Variants in ELOVL6 observed in about 807,000 individuals in gnomAD.
ELOVL6 encodes ELOVL fatty acid elongase 6.
ELOVL6 carries 8 observed loss-of-function variants against 31.7 expected under a neutral mutation model. That is an observed-to-expected ratio of 0.25 (90% CI 0.15 to 0.45). The LOEUF is 0.45. ELOVL6 is among the 20% of genes least tolerant of loss of function. ELOVL6 has a pLI of 1.00. For missense variants in ELOVL6, 126 were observed against 326.4 expected, an observed-to-expected ratio of 0.39 and a Z score of 4.73; for synonymous variants, 101 against 117.7, an observed-to-expected ratio of 0.86 and a Z score of 0.92.
intron 3 of ELOVL6, among the ~76,000 whole-genome samples, chr4:110,053,784 A>T (rs1754899019): frequency 6.6e-6 from 1 of 152,150 alleles, no homozygotes; most frequent in Non-Finnish European, 1.5e-5. Flanking sequence ...CTATAAAATT[A>T]AAAAAATATC....
chr4:110,114,207 C>G (rs888787328), intron 1 of ELOVL6, among the ~76,000 whole-genome samples: 1 of 152,182 alleles, frequency 6.6e-6, no homozygotes, highest in African/African-American at 2.4e-5. Flanking sequence ...ACTTTATCTC[C>G]TATAGCCTTA....
intron 1 of ELOVL6, among the ~76,000 whole-genome samples, chr4:110,120,353 T>TG (rs1553959003): frequency 2.8e-5 from 4 of 144,648 alleles, no homozygotes; most frequent in African/African-American, 5.3e-5. Context: ...AATAAAAAAG[T>TG]AAAAAAAAAA....
At chr4:110,131,763 A>G (rs2126257681) in intron 1 of ELOVL6, among the ~76,000 whole-genome samples, 1 of 152,328 alleles carries the variant, frequency 6.6e-6, no homozygotes, top group East Asian at 1.9e-4. Flanking sequence ...TTTAAGAAAC[A>G]CTGGTCTAGA....
intron 2 of ELOVL6, among the ~76,000 whole-genome samples, chr4:110,073,392 G>A (rs1241668082): frequency 6.6e-6 from 1 of 152,100 alleles, no homozygotes; most frequent in Non-Finnish European, 1.5e-5. Context: ...GTGTCTTTGG[G>A]GAAAAAGTCT....
chr4:110,194,530 A>G (rs1461105760), intron 1 of ELOVL6, among the ~76,000 whole-genome samples: 1 of 152,208 alleles, frequency 6.6e-6, no homozygotes, highest in Non-Finnish European at 1.5e-5. Flanking sequence ...ATTTACTTTC[A>G]TGGCTAGGCC....
chr4:110,178,691 A>C (rs997946031), intron 1 of ELOVL6, among the ~76,000 whole-genome samples: 2 of 152,104 alleles, frequency 1.3e-5, no homozygotes, highest in Non-Finnish European at 2.9e-5. Context: ...TCGTCTCTAC[A>C]AATAATCAAA....
chr4:110,059,033 C>T (rs1455324854), intron 3 of ELOVL6, among the ~76,000 whole-genome samples: 4 of 152,208 alleles, frequency 2.6e-5, no homozygotes, highest in African/African-American at 9.6e-5. Context: ...TTATAGAAAT[C>T]TACAAATACA....
chr4:110,189,651 A>C (rs1369072423), intron 1 of ELOVL6, among the ~76,000 whole-genome samples: 2 of 148,524 alleles, frequency 1.3e-5, no homozygotes, highest in Non-Finnish European at 3.0e-5. Flanking sequence ...ATGAAGTTAT[A>C]CTTGTTTACT....
chr4:110,164,583 T>A, intron 1 of ELOVL6, among the ~76,000 whole-genome samples: 1 of 151,184 alleles, frequency 6.6e-6, no homozygotes, highest in Non-Finnish European at 1.5e-5. Context: ...CTACAAAAAA[T>A]AGAAAAATTA....
chr4:110,198,121 A>G, intron 1 of ELOVL6, 126 bp downstream of exon 1: 1 of 497,566 alleles, frequency 2.0e-6, no homozygotes, highest in Non-Finnish European at 3.8e-6. Context: ...CCGAGAACTC[A>G]GCGATCAGCT....
At chr4:110,075,574 C>T (rs554072580) in intron 2 of ELOVL6, among the ~76,000 whole-genome samples, 1 of 152,176 alleles carries the variant, frequency 6.6e-6, no homozygotes, top group Non-Finnish European at 1.5e-5. Context: ...TTCATAGATA[C>T]AGAAACTAGA....
At chr4:110,144,557 A>G (rs1256617776) in intron 1 of ELOVL6, among the ~76,000 whole-genome samples, 1 of 151,890 alleles carries the variant, frequency 6.6e-6, no homozygotes, top group African/African-American at 2.4e-5. Context: ...AGTACAGATG[A>G]CTCCTGAGGT....
chr4:110,059,488 T>G (rs1755081189), intron 3 of ELOVL6, 115 bp downstream of exon 3: 2 of 1,096,332 alleles, frequency 1.8e-6, no homozygotes, highest in Admixed American at 5.4e-5. Context: ...TCATTCATTG[T>G]AACTTTCTTG....
Position 110,059,235 on chromosome 4 carries a change from T to TG in ELOVL6, c.373+367dup, listed in dbSNP as rs539172148. Among the ~76,000 whole-genome samples the TG allele has an allele frequency of 2.8e-3, 423 of 152,336 alleles. 1 individual carries two copies. Among genetic ancestry groups the TG allele is most frequent in the African/African-American group, 9.6e-3 (398 of 41,578 alleles). On this transcript the variant is annotated intron_variant, in intron 3 of 3. Transcript: ENST00000302274. ...CTACAGATGAAAGTATGCTCAGATA[T>TG]GGGACTTGGAAATAGCTGTGTTGCT...
chr4:110,163,751 T>G (rs528505933), intron 1 of ELOVL6, among the ~76,000 whole-genome samples: 1 of 152,230 alleles, frequency 6.6e-6, no homozygotes, highest in South Asian at 2.1e-4. Context: ...TGAGTTGGGC[T>G]TTCTAAGTTT....
At chr4:110,180,608 G>T (rs1759242590) in intron 1 of ELOVL6, among the ~76,000 whole-genome samples, 1 of 151,960 alleles carries the variant, frequency 6.6e-6, no homozygotes. Context: ...TCACCATGTT[G>T]CCCAGGTTGG....
chr4:110,077,937 T>C lies in ELOVL6; in HGVS notation c.222-18183A>G, dbSNP rs578057507. Among the ~76,000 whole-genome samples the C allele has an allele frequency of 2.3e-3, 347 of 152,220 alleles. 2 individuals carry two copies. Among genetic ancestry groups the C allele is most frequent in the African/African-American group, 7.1e-3 (293 of 41,540 alleles). ...AAACCAAGGCATGAGAACTACGTGA[T>C]GAATGCACAAGCCTCAGTAGCCAAT... On this transcript the variant is annotated intron_variant, in intron 2 of 3. Coordinates refer to ENST00000302274, the MANE Select transcript of ELOVL6 (RefSeq NM_024090.3).
intron 1 of ELOVL6, among the ~76,000 whole-genome samples, chr4:110,129,891 A>ATT (rs371838858): frequency 0.087 from 8,152 of 93,196 alleles, 459 homozygotes; most frequent in African/African-American, 0.19. Flanking sequence ...ATCCAATCCA[A>ATT]TTTTTTTTTT....
intron 2 of ELOVL6, among the ~76,000 whole-genome samples, chr4:110,095,846 G>C (rs1166656586): frequency 6.6e-6 from 1 of 152,158 alleles, no homozygotes; most frequent in East Asian, 1.9e-4. Flanking sequence ...TCTGAGAATT[G>C]ATACAACTTG....
Sources: gnomAD v4.1 joint callset for allele counts (sites outside exome capture counted in the v4.1 genomes callset) on GRCh38, gnomAD v4.1.1 for gene constraint, MANE v1.5 for transcripts, NCBI Gene and HGNC (gene_info 2026-07-23, HGNC 2026-07-21) for gene names.